DPY19L3: variants seen among roughly 807,000 people sequenced by gnomAD.
The protein encoded by DPY19L3 is protein C-mannosyl-transferase DPY19L3.
In DPY19L3, 51 loss-of-function variants were observed where a neutral mutation model predicts 92.3. The ratio of observed to expected loss-of-function variants is 0.55; its 90% CI spans 0.44 to 0.70. DPY19L3 has a LOEUF of 0.70. DPY19L3 is among the 30% of genes least tolerant of loss of function. DPY19L3 has a pLI of 0.00. For synonymous variants in DPY19L3, 309 were observed against 315.2 expected, an observed-to-expected ratio of 0.98 and a Z score of 0.21; for missense variants, 706 against 855.9, an observed-to-expected ratio of 0.82 and a Z score of 2.18.
Position 32,480,512 on chromosome 19 carries a change from C to T in DPY19L3, c.1944C>T (p.Arg648=), listed in dbSNP as rs779102972. 2.5e-6 allele frequency: 4 copies of T among 1,614,032 alleles called. No individual in the cohort carries two copies. The highest frequency in any genetic ancestry group is 2.5e-6 in the Non-Finnish European group (3 of 1,180,014). The stretch of plus-strand genomic sequence containing the variant: ...GCATCTGCTACGAGCGGAGGCACCG[C>T]CGGGGCTGCCGACTCCGGGACCTGC... ...EDSICYERRH[R]RGCRLRDLLD... Residue 648 remains arginine (R), a synonymous_variant, in exon 18 of 19, where the codon CGC becomes CGT. Transcript: ENST00000392250.
At chr19:32,472,963 A>G (rs186712029) in intron 16 of DPY19L3, among the ~76,000 whole-genome samples, 15 of 152,364 alleles carry the variant, frequency 9.8e-5, no homozygotes, top group Non-Finnish European at 1.9e-4. Context: ...TTAAATGCCT[A>G]TAAGCCTCTT....
chr19:32,429,034 A>G (rs1433070232), intron 3 of DPY19L3, among the ~76,000 whole-genome samples: 2 of 151,836 alleles, frequency 1.3e-5, no homozygotes, highest in Non-Finnish European at 2.9e-5. Flanking sequence ...TTTTTAGTAG[A>G]GACGGGGTTT....
chr19:32,458,707 T>A (rs1235848409), intron 12 of DPY19L3, among the ~76,000 whole-genome samples, 198 bp downstream of exon 12: 2 of 152,210 alleles, frequency 1.3e-5, no homozygotes, highest in Non-Finnish European at 2.9e-5. Flanking sequence ...GCATGCGGTC[T>A]GGGCTTAAGT....
At chr19:32,432,958 G>C (rs1969019073) in intron 4 of DPY19L3, 152 bp downstream of exon 4, 3 of 630,244 alleles carry the variant, frequency 4.8e-6, no homozygotes, top group Admixed American at 6.0e-5. Context: ...AATGTTTTTT[G>C]CTCTGGAAGA....
intron 3 of DPY19L3, among the ~76,000 whole-genome samples, chr19:32,419,006 A>G (rs2145422771): frequency 6.6e-6 from 1 of 152,140 alleles, no homozygotes; most frequent in South Asian, 2.1e-4. Context: ...ATATTTTTAA[A>G]ATTTTAAGTT....
rs1970264078 is a variant in DPY19L3, at chr19:32,468,600, G to A, written c.1615-131G>A. On this transcript the variant is annotated intron_variant, in intron 15 of 18. Transcript: ENST00000392250. Reference sequence around the variant, plus strand: ...GGGTTGCTGCAGAGGTGAAATAGTTGTATATTCCAGTAGCTATGTTTATTT... The same window carrying A: ...GGGTTGCTGCAGAGGTGAAATAGTTATATATTCCAGTAGCTATGTTTATTT... 1.6e-5 allele frequency: 22 copies of A among 1,383,538 alleles called. No individual in the cohort carries two copies. In the South Asian group the frequency reaches 4.0e-4, roughly 25 times the overall value. 85.7% of individuals were successfully genotyped at this position (1,383,538 alleles called of 1,614,324 possible).
chr19:32,471,271 A>C (rs1478436614), intron 16 of DPY19L3, among the ~76,000 whole-genome samples: 2 of 152,200 alleles, frequency 1.3e-5, no homozygotes. Flanking sequence ...CTGGCAGAGA[A>C]CCAGCACTGT....
chr19:32,481,952 C>T, intron 18 of DPY19L3, 127 bp from the exon 19 acceptor site: 1 of 1,076,196 alleles, frequency 9.3e-7, no homozygotes, highest in East Asian at 2.5e-5. Context: ...TGCCCATGGA[C>T]ATTGAAATAA....
intron 16 of DPY19L3, among the ~76,000 whole-genome samples, chr19:32,475,267 C>T (rs959355204): frequency 2.6e-5 from 4 of 152,146 alleles, no homozygotes; most frequent in African/African-American, 7.2e-5. Flanking sequence ...GCTCAGCTGC[C>T]GGGTTCGTCT....
At chr19:32,415,343 T>C (rs1185468592) in intron 3 of DPY19L3, among the ~76,000 whole-genome samples, 1 of 152,064 alleles carries the variant, frequency 6.6e-6, no homozygotes, top group Non-Finnish European at 1.5e-5. Flanking sequence ...CCAGGCAAGT[T>C]GGGGAGGAAA....
At chr19:32,480,820 T>TTG (rs2145644671) in intron 18 of DPY19L3, 3 of 526,502 alleles carry the variant, frequency 5.7e-6, no homozygotes, top group East Asian at 6.2e-5. Context: ...TTCAGCTCAT[T>TTG]TGTATGATGG....
intron 8 of DPY19L3, among the ~76,000 whole-genome samples, chr19:32,449,785 A>C (rs1475695044): frequency 1.3e-5 from 2 of 152,200 alleles, no homozygotes; most frequent in Non-Finnish European, 2.9e-5. Flanking sequence ...TCACAGACCT[A>C]AGTGTAAGAG....
At chr19:32,424,320 T>A (rs1458221796) in intron 3 of DPY19L3, among the ~76,000 whole-genome samples, 2 of 142,074 alleles carry the variant, frequency 1.4e-5, no homozygotes, top group African/African-American at 2.6e-5. Context: ...ACCCTGTCTC[T>A]AAAAAAAAAA....
At chr19:32,460,425 A>G (rs1288883489) in intron 12 of DPY19L3, among the ~76,000 whole-genome samples, 1 of 152,118 alleles carries the variant, frequency 6.6e-6, no homozygotes, top group Non-Finnish European at 1.5e-5. Context: ...TTTAAAAAAT[A>G]CTGTAATAAA....
chr19:32,460,668 C>T (rs1970009544), intron 12 of DPY19L3, among the ~76,000 whole-genome samples: 1 of 152,162 alleles, frequency 6.6e-6, no homozygotes, highest in Non-Finnish European at 1.5e-5. Flanking sequence ...AGGAATTTTT[C>T]AGCTCCATTA....
chr19:32,459,560 T>C (rs1969974076), intron 12 of DPY19L3, among the ~76,000 whole-genome samples: 1 of 152,196 alleles, frequency 6.6e-6, no homozygotes, highest in Non-Finnish European at 1.5e-5. Context: ...CAAGATAAAA[T>C]TTAGCCCTGT....
At chr19:32,460,598 A>G (rs1039041196) in intron 12 of DPY19L3, among the ~76,000 whole-genome samples, 1 of 152,156 alleles carries the variant, frequency 6.6e-6, no homozygotes, top group African/African-American at 2.4e-5. Context: ...CAGTAAATCT[A>G]TTTAAAAAAC....
At chr19:32,467,373 A>G (rs1461847007) in intron 15 of DPY19L3, 4 of 926,600 alleles carry the variant, frequency 4.3e-6, no homozygotes, top group Middle Eastern at 2.9e-4. Context: ...AAAAGTTGGT[A>G]TTCTATTGGT....
chr19:32,439,279 A>G, intron 7 of DPY19L3, 44 bp downstream of exon 7: 3 of 1,580,466 alleles, frequency 1.9e-6, no homozygotes, highest in Non-Finnish European at 2.6e-6. Context: ...CCCCAATTTT[A>G]TATATGAAGC....
Sources: gnomAD v4.1 joint callset for allele counts (sites outside exome capture counted in the v4.1 genomes callset) on GRCh38, gnomAD v4.1.1 for gene constraint, MANE v1.5 for transcripts, NCBI Gene and HGNC (gene_info 2026-07-23, HGNC 2026-07-21) for gene names.